NDRG2: variants seen among roughly 807,000 people sequenced by gnomAD.
The protein encoded by NDRG2 is NDRG family member 2.
A neutral mutation model predicts 58.2 loss-of-function variants in NDRG2; 34 were observed. The ratio of observed to expected loss-of-function variants is 0.58; its 90% CI spans 0.44 to 0.78. The LOEUF (loss-of-function observed/expected upper bound fraction) is 0.78, where lower values mean the gene tolerates loss of function less well. NDRG2 is among the 30% of genes least tolerant of loss of function. The pLI, the probability that NDRG2 is intolerant of heterozygous loss-of-function variation, is 0.00. For synonymous variants in NDRG2, 187 were observed against 175.9 expected, an observed-to-expected ratio of 1.06 and a Z score of -0.50; for missense variants, 434 against 471.2, an observed-to-expected ratio of 0.92 and a Z score of 0.73.
At position 21,024,276 on chromosome 14, in the gene NDRG2, G is replaced by T. The variant is rs1434163053; in HGVS notation, c.-253C>A. 3.0e-6 allele frequency: 3 copies of T among 985,464 alleles called. No individual in the cohort carries two copies. Among genetic ancestry groups the T allele is most frequent in the Non-Finnish European group, 3.6e-6 (3 of 830,024 alleles). 61.0% of individuals were successfully genotyped at this position (985,464 alleles called of 1,614,324 possible). On this transcript the variant is annotated 5_prime_UTR_variant, in exon 1 of 16. Coordinates refer to ENST00000556147, the MANE Select transcript of NDRG2 (RefSeq NM_001320329.2). ...ACACGTCCTCTCTAGGCTCGAGCCG[G>T]AATCAATATAGGCTACAAGGGCATC...
In NDRG2 at chr14:21,017,654, C is replaced by T; in HGVS notation, c.1058G>A (p.Ser353Asn). ...RSRSRTLSQS[S>N]ESGTLSSGPP... Reference sequence around the variant, plus strand: ...CCCCGAAGAAAGAGTTCCAGACTCGCTGCTCTGGGACAGGGTGCGAGAGCG... The same window carrying T: ...CCCCGAAGAAAGAGTTCCAGACTCGTTGCTCTGGGACAGGGTGCGAGAGCG... Residue 353 changes from serine to asparagine, a missense_variant, in exon 16 of 16, where the codon AGC becomes AAC. Ser to Asn is a conservative substitution (Grantham distance 46). Coordinates refer to ENST00000556147, the MANE Select transcript of NDRG2 (RefSeq NM_001320329.2). The T allele has an allele frequency of 1.2e-6, 2 of 1,613,290 alleles. No homozygotes were observed. Among genetic ancestry groups the T allele is most frequent in the Non-Finnish European group, 1.7e-6 (2 of 1,179,684 alleles).
rs371376930 is a variant in NDRG2, at chr14:21,018,043, G to A, written c.898-5C>T. The stretch of plus-strand genomic sequence containing the variant: ...GGCCTCGGTCAGCTTGCCTGGCTGC[G>A]GAAGTAAGAAGAGGCGAGGGAGACG... On this transcript the variant is annotated splice_polypyrimidine_tract_variant and splice_region_variant and intron_variant, in intron 14 of 15. Coordinates refer to ENST00000556147, the MANE Select transcript of NDRG2 (RefSeq NM_001320329.2). The A allele has an allele frequency of 3.2e-5, 51 of 1,613,766 alleles. No homozygotes were observed. The highest frequency in any genetic ancestry group is 9.9e-5 in the South Asian group (9 of 91,078).
intron 1 of NDRG2, chr14:21,032,732 G>A (rs1425345004): frequency 5.5e-6 from 2 of 363,996 alleles, no homozygotes; most frequent in Non-Finnish European, 5.3e-6. Flanking sequence ...TCAGGAAGAT[G>A]GCCAGATGAG....
rs984489796 is a variant in NDRG2 at position 21,022,666 on chromosome 14, T to C, written c.118-169A>G. 6.0e-6 allele frequency: 4 copies of C among 666,732 alleles called. No individual in the cohort carries two copies. The African/African-American group carries it at 7.3e-5, about 12-fold the overall frequency. 41.3% of individuals were successfully genotyped at this position (666,732 alleles called of 1,614,324 possible). ...GAAAACATGATACCGGAAGATGAGT[T>C]TGAGGATAAGAAAGAATAATGAAGA... is the stretch of plus-strand genomic sequence containing the variant. On this transcript the variant is annotated intron_variant, in intron 3 of 15. Transcript: ENST00000556147.
intron 1 of NDRG2, chr14:21,058,133 AC>A (rs1885765545): frequency 6.2e-7 from 1 of 1,613,990 alleles, no homozygotes; most frequent in Non-Finnish European, 8.5e-7. Flanking sequence ...TGTGGCCATC[AC>A]CTGCCAGACC....
chr14:21,041,873 C>G lies in NDRG2; in HGVS notation c.25-18552G>C, dbSNP rs181650392. ...ACAGTGATGATTCATTCACCCACTTCCCTCGTGTCTGTTCCATCTCCTCCG... is the reference window on the plus strand; with the variant it reads ...ACAGTGATGATTCATTCACCCACTTGCCTCGTGTCTGTTCCATCTCCTCCG... On this transcript the variant is annotated intron_variant, in intron 1 of 14. Coordinates refer to the NDRG2 transcript ENST00000403829. Among the ~76,000 whole-genome samples the G allele has an allele frequency of 1.1e-3, 171 of 152,236 alleles. 1 individual carries two copies. Among genetic ancestry groups the G allele is most frequent in the Admixed American group, 6.3e-3 (97 of 15,288 alleles).
intron 1 of NDRG2, among the ~76,000 whole-genome samples, chr14:21,051,868 T>G (rs74036570): frequency 0.031 from 4,789 of 152,296 alleles, 234 homozygotes; most frequent in African/African-American, 0.11. Flanking sequence ...GTGGTACTGC[T>G]GTCCTTCAGG....
At chr14:21,042,853 C>A in intron 1 of NDRG2, 3 of 701,722 alleles carry the variant, frequency 4.3e-6, no homozygotes, top group Non-Finnish European at 4.7e-6. Flanking sequence ...AGATGAGACA[C>A]AAAGTGAGGA....
At chr14:21,029,297 A>G (rs1230815712), upstream of NDRG2, 1 of 152,204 alleles carries the variant, frequency 6.6e-6, no homozygotes, top group Non-Finnish European at 1.5e-5. Flanking sequence ...CCACAGATTC[A>G]TATATTAAAA....
At chr14:21,017,826 A>G in intron 15 of NDRG2, 64 bp from the exon 16 acceptor site, 3 of 1,605,834 alleles carry the variant, frequency 1.9e-6, no homozygotes, top group Non-Finnish European at 2.6e-6. Flanking sequence ...CTGGCGACTC[A>G]GGGTGTGGTC....
intron 1 of NDRG2, among the ~76,000 whole-genome samples, chr14:21,065,364 G>A (rs1886209208): frequency 6.6e-6 from 1 of 152,052 alleles, no homozygotes; most frequent in South Asian, 2.1e-4. Context: ...AACCATTCCT[G>A]TTCTCTGGAG....
At position 21,032,221 on chromosome 14, in the gene NDRG2, G is replaced by A. The variant is rs1178529450; in HGVS notation, c.25-8900C>T. The A allele has an allele frequency of 3.1e-5, 28 of 892,178 alleles. No individual in the cohort carries two copies. The Admixed American group carries it at 5.0e-4, about 16-fold the overall frequency. 55.3% of individuals were successfully genotyped at this position (892,178 alleles called of 1,614,324 possible). On this transcript the variant is annotated intron_variant, in intron 1 of 14. Transcript: ENST00000403829. ...ATGAGCCTACTAGTGTAGAGAGAGG[G>A]AGAAGAGGCAGCACAGGAGGGTGGG...
At position 21,017,273 on chromosome 14, in the gene NDRG2, C is replaced by T; in HGVS notation, c.*323G>A. 2.4e-6 allele frequency: 1 copy of T among 410,920 alleles called. No homozygotes were observed. The highest frequency in any genetic ancestry group is 2.1e-5 in the South Asian group (1 of 47,364). The allele number at this position is 410,920 out of a possible 1,614,324, so 25.5% of individuals were successfully genotyped here. A position where few individuals can be genotyped will look rare whatever the true frequency, so the allele number is the denominator to read the frequency against. ...TCTGATGGAGGCACCAGGACAACTACAACAACCTCTTACCCCTCAGCTATA... is the reference window on the plus strand; with the variant it reads ...TCTGATGGAGGCACCAGGACAACTATAACAACCTCTTACCCCTCAGCTATA... On this transcript the variant is annotated 3_prime_UTR_variant, in exon 16 of 16. Transcript: ENST00000556147.
intron 1 of NDRG2, among the ~76,000 whole-genome samples, chr14:21,040,873 C>A (rs1175022402): frequency 5.3e-5 from 8 of 152,194 alleles, no homozygotes; most frequent in Admixed American, 5.2e-4. Flanking sequence ...TACTTTTTTC[C>A]CTAGCCATTA....
At chr14:21,026,936 GGAGAGCCTCGAGT>G (rs1198762241), upstream of NDRG2, among the ~76,000 whole-genome samples, 1 of 146,326 alleles carries the variant, frequency 6.8e-6, no homozygotes, top group Non-Finnish European at 1.5e-5. Flanking sequence ...CTGGGGAGAG[GGAGAGCCTCGAGT>G]GAGAACTTTT....
chr14:21,060,470 G>A (rs1396275308), intron 1 of NDRG2, among the ~76,000 whole-genome samples: 1 of 152,142 alleles, frequency 6.6e-6, no homozygotes, highest in Non-Finnish European at 1.5e-5. Context: ...CTGCGGCTGC[G>A]CCTTAAATGA....
At position 21,024,848 on chromosome 14, in the gene NDRG2, C is replaced by T. The variant is rs1410443505; in HGVS notation, c.-825G>A. On this transcript the variant is annotated 5_prime_UTR_variant, in exon 1 of 16. The change creates a new upstream start codon in the 5' untranslated region. Coordinates refer to ENST00000556147, the MANE Select transcript of NDRG2 (RefSeq NM_001320329.2). ...GACCTTGCACACAACCTCGCGCGCACCCCAAACACGCCCTGCAGCTCTTGG... is the reference window on the plus strand; with the variant it reads ...GACCTTGCACACAACCTCGCGCGCATCCCAAACACGCCCTGCAGCTCTTGG... 2 of 985,680 alleles carry T rather than the reference C, an allele frequency of 2.0e-6. No individual in the cohort carries two copies. The highest frequency in any genetic ancestry group is 3.5e-5 in the African/African-American group (2 of 57,258). 61.1% of individuals were successfully genotyped at this position (985,680 alleles called of 1,614,324 possible). A position where few individuals can be genotyped will look rare whatever the true frequency, so the allele number is the denominator to read the frequency against.
At chr14:21,066,679 A>G (rs944846492) in intron 1 of NDRG2, among the ~76,000 whole-genome samples, 2 of 152,238 alleles carry the variant, frequency 1.3e-5, no homozygotes, top group Non-Finnish European at 1.5e-5. Context: ...GGTGCAGAGA[A>G]TGGCTTATCA....
intron 1 of NDRG2, chr14:21,033,636 T>G (rs1884401352): frequency 1.6e-6 from 1 of 614,276 alleles, no homozygotes; most frequent in African/African-American, 1.8e-5. Context: ...GGAAAGAACC[T>G]AGAAGATAGC....
Sources: allele counts gnomAD v4.1 joint callset (sites outside exome capture counted in the v4.1 genomes callset), GRCh38; gene constraint gnomAD v4.1.1; transcripts MANE v1.5; gene names NCBI Gene and HGNC (gene_info 2026-07-23, HGNC 2026-07-21).